GMDS: variants seen among roughly 807,000 people sequenced by gnomAD.
GMDS encodes the protein GDP-mannose 4,6 dehydratase.
GMDS carries 20 observed loss-of-function variants against 49.9 expected under a neutral mutation model. The observed-to-expected ratio is 0.40, with a 90% CI of 0.28 to 0.58. The LOEUF (loss-of-function observed/expected upper bound fraction) is 0.58, where lower values mean the gene tolerates loss of function less well. GMDS is among the 20% of genes least tolerant of loss of function. GMDS has a pLI of 0.42. For synonymous variants in GMDS, 177 were observed against 178.6 expected (o/e 0.99, Z 0.07); for missense variants, 362 against 481.4 (o/e 0.75, Z 2.32).
At chr6:1,782,166 C>A (rs1323345256) in intron 7 of GMDS, among the ~76,000 whole-genome samples, 2 of 152,148 alleles carry the variant, frequency 1.3e-5, no homozygotes, top group African/African-American at 4.8e-5. Flanking sequence ...TGGTCCAATT[C>A]TTTCATTTAC....
At chr6:2,203,344 T>C (rs1779638809) in intron 1 of GMDS, among the ~76,000 whole-genome samples, 1 of 152,326 alleles carries the variant, frequency 6.6e-6, no homozygotes, top group East Asian at 1.9e-4. Flanking sequence ...AATTTAAAAA[T>C]AATACGGCCT....
At chr6:1,936,502 T>A (rs557642087) in intron 6 of GMDS, among the ~76,000 whole-genome samples, 1 of 152,264 alleles carries the variant, frequency 6.6e-6, no homozygotes, top group African/African-American at 2.4e-5. Context: ...CAGCAAGTCA[T>A]CAGCTGAGAC....
chr6:2,189,181 G>A (rs1236037414), intron 1 of GMDS, among the ~76,000 whole-genome samples: 5 of 152,082 alleles, frequency 3.3e-5, no homozygotes, highest in African/African-American at 1.2e-4. Context: ...CAGAACACAC[G>A]GTGACTGGTC....
Position 1,928,288 on chromosome 6 carries a change from C to A in GMDS, c.771+1815G>T, listed in dbSNP as rs1218784081. ...TCTGAGGCAGGAGAATCGCTTGAAC[C>A]CGGGAGGCAGAGGTTGCAGTGAGCC... On this transcript the variant is annotated intron_variant, in intron 7 of 10. Transcript: ENST00000380815. Among the ~76,000 whole-genome samples, 3 of 151,806 alleles carry A rather than the reference C, an allele frequency of 2.0e-5. No individual in the cohort carries two copies. The East Asian group carries it at 5.8e-4, about 29-fold the overall frequency.
rs572031446 is a variant in GMDS at position 2,134,954 on chromosome 6, C to A, written c.103-10223G>T. Among the ~76,000 whole-genome samples, 3 of 152,292 alleles carry A rather than the reference C, an allele frequency of 2.0e-5. No individual in the cohort carries two copies. In the East Asian group the frequency reaches 5.8e-4, roughly 29 times the overall value. On this transcript the variant is annotated intron_variant, in intron 1 of 10. Transcript: ENST00000380815. The stretch of plus-strand genomic sequence containing the variant: ...GTTTTTTCCCATTTATATCTCACAA[C>A]ATCCTGGTGAGGTAGCTGATATTAT...
intron 7 of GMDS, among the ~76,000 whole-genome samples, chr6:1,847,727 T>A (rs1757473210): frequency 6.6e-6 from 1 of 152,068 alleles, no homozygotes; most frequent in South Asian, 2.1e-4. Flanking sequence ...AACCTTGGAG[T>A]CATTCTTAAT....
At chr6:1,810,736 C>T (rs935230610) in intron 7 of GMDS, among the ~76,000 whole-genome samples, 2 of 152,174 alleles carry the variant, frequency 1.3e-5, no homozygotes, top group East Asian at 1.9e-4. Context: ...GATGACTGGA[C>T]ATAACCTTGC....
At chr6:2,144,201 G>C (rs929165997) in intron 1 of GMDS, among the ~76,000 whole-genome samples, 1 of 152,210 alleles carries the variant, frequency 6.6e-6, no homozygotes, top group Non-Finnish European at 1.5e-5. Context: ...CAGCTAGAAA[G>C]AGGGCAAAGG....
At position 2,012,255 on chromosome 6, in the gene GMDS, T is replaced by C. The variant is rs12199891; in HGVS notation, c.346-51289A>G. 9.4e-3 allele frequency among the ~76,000 whole-genome samples: 1,432 copies of C among 152,182 alleles called. 8 individuals are homozygous for C. The highest frequency in any genetic ancestry group is 0.016 in the Non-Finnish European group (1,058 of 68,016). ...ACCGCACTCACACCCCCTAAATTTA[T>C]AGAAATACAAATGAAATAAAATTAA... On this transcript the variant is annotated intron_variant, in intron 4 of 10. Transcript: ENST00000380815.
intron 9 of GMDS, among the ~76,000 whole-genome samples, chr6:1,721,769 G>A (rs1581506378): frequency 6.6e-6 from 1 of 152,062 alleles, no homozygotes; most frequent in East Asian, 1.9e-4. Context: ...TCTCACATAA[G>A]AAGACGACAT....
At chr6:1,839,037 A>T (rs1757043625) in intron 7 of GMDS, among the ~76,000 whole-genome samples, 1 of 152,190 alleles carries the variant, frequency 6.6e-6, no homozygotes, top group South Asian at 2.1e-4. Context: ...CCTTTAGCCG[A>T]CATTTTTCTG....
chr6:1,746,658 C>T (rs6912189), intron 7 of GMDS, among the ~76,000 whole-genome samples: 55,975 of 151,856 alleles, frequency 0.37, 11,112 homozygotes, highest in Admixed American at 0.46. Flanking sequence ...TTCTACAAAT[C>T]CAATTTGGAG....
In GMDS at chr6:2,013,990, AAG is replaced by A. The variant is rs1238822151; in HGVS notation, c.346-53026_346-53025del. 4.7e-5 allele frequency among the ~76,000 whole-genome samples: 7 copies of A among 147,414 alleles called. No individual in the cohort carries two copies. The South Asian group carries it at 8.5e-4, about 18-fold the overall frequency. Reference sequence around the variant, plus strand: ...TCATAACTGCAAAAAACCAAAGAGAAAGAGAGTATTTTGAAAGAAGCTTGTCA... The same window carrying A: ...TCATAACTGCAAAAAACCAAAGAGAAAGAGTATTTTGAAAGAAGCTTGTCA... On this transcript the variant is annotated intron_variant, in intron 4 of 10. Transcript: ENST00000380815.
intron 4 of GMDS, among the ~76,000 whole-genome samples, chr6:1,998,175 AT>A (rs1260981050): frequency 6.6e-6 from 1 of 152,202 alleles, no homozygotes; most frequent in Middle Eastern, 3.2e-3. Context: ...AATGAGAAAC[AT>A]AAATGTCATA....
intron 4 of GMDS, among the ~76,000 whole-genome samples, chr6:2,012,200 C>T (rs1231701167): frequency 2.0e-5 from 3 of 152,076 alleles, no homozygotes; most frequent in East Asian, 1.9e-4. Flanking sequence ...ACCCAGATTT[C>T]GCCACCACAC....
chr6:2,120,403 A>C (rs994595735), intron 2 of GMDS, among the ~76,000 whole-genome samples: 2 of 152,150 alleles, frequency 1.3e-5, no homozygotes, highest in Non-Finnish European at 2.9e-5. Context: ...AACCAGTTCA[A>C]GGATTCTCAC....
chr6:1,843,110 A>AAAT (rs1757219011), intron 7 of GMDS, among the ~76,000 whole-genome samples: 1 of 3,350 alleles, frequency 3.0e-4, no homozygotes, highest in African/African-American at 4.8e-4. Context: ...ACCCTGCATC[A>AAAT]AATAAAATAA....
intron 4 of GMDS, among the ~76,000 whole-genome samples, chr6:2,052,116 C>CA (rs1285013159): frequency 0.011 from 496 of 43,196 alleles, 22 homozygotes; most frequent in African/African-American, 0.026. Flanking sequence ...GACTCTGTCT[C>CA]AAAAAAAAAA....
intron 7 of GMDS, among the ~76,000 whole-genome samples, chr6:1,885,460 G>T (rs148575348): frequency 3.9e-5 from 6 of 152,338 alleles, no homozygotes; most frequent in Non-Finnish European, 8.8e-5. Flanking sequence ...CACCAAGGAA[G>T]AGTAGGAGAA....
Sources: gnomAD v4.1 joint callset for allele counts (sites outside exome capture counted in the v4.1 genomes callset) on GRCh38, gnomAD v4.1.1 for gene constraint, MANE v1.5 for transcripts, NCBI Gene and HGNC (gene_info 2026-07-23, HGNC 2026-07-21) for gene names.